Variants in PRMT1 observed in about 807,000 individuals in gnomAD.
The protein encoded by PRMT1 is protein arginine methyltransferase 1.
Under a neutral mutation model 47.4 loss-of-function variants are expected in PRMT1, and 5 were observed. The observed-to-expected ratio is 0.11, with a 90% CI of 0.06 to 0.22. PRMT1 has a LOEUF of 0.22. Ranked by LOEUF, PRMT1 falls within the 10% of genes least tolerant of loss-of-function variation. PRMT1 has a pLI of 1.00. For synonymous variants in PRMT1, 227 were observed against 204.6 expected, an observed-to-expected ratio of 1.11 and a Z score of -0.94; for missense variants, 249 against 518.4, an observed-to-expected ratio of 0.48 and a Z score of 5.05.
rs1599949769 is a variant in PRMT1 at position 49,685,955 on chromosome 19, C to T, written c.760-138C>T. 18 of 1,466,488 alleles carry T rather than the reference C, an allele frequency of 1.2e-5. No homozygotes were observed. The East Asian group carries it at 2.7e-4, about 22-fold the overall frequency. 90.8% of individuals were successfully genotyped at this position (1,466,488 alleles called of 1,614,324 possible). ...GCAGGATGCAGAGTGAAGGAGGAGC[C>T]GAGGCTGGGTGCCAGTGAGGGAGGG... On this transcript the variant is annotated intron_variant, in intron 8 of 10. Coordinates refer to ENST00000454376, the MANE Select transcript of PRMT1 (RefSeq NM_001536.6). The surrounding 1 kb of genome is among the most constrained non-coding windows in gnomAD (Gnocchi z 4.7).
rs577362881 is a variant in PRMT1, at chr19:49,684,648, G to C, written c.556-106G>C. On this transcript the variant is annotated intron_variant, in intron 6 of 10. Transcript: ENST00000454376. The surrounding 1 kb of genome is among the most constrained non-coding windows in gnomAD (Gnocchi z 6.2). ...GGGGGCGAGGGGTGAGTGCCGCTGC[G>C]ACATGAGGGTGGCCCAGACCAGGGC... 2.2e-5 allele frequency: 28 copies of C among 1,290,772 alleles called. No individual in the cohort carries two copies. The African/African-American group carries it at 3.3e-4, about 15-fold the overall frequency. The allele number at this position is 1,290,772 out of a possible 1,614,324, so 80.0% of individuals were successfully genotyped here. A position where few individuals can be genotyped will look rare whatever the true frequency, so the allele number is the denominator to read the frequency against.
Position 49,688,003 on chromosome 19 carries a change from G to T in PRMT1, c.1033-159G>T. The T allele has an allele frequency of 2.8e-6, 2 of 705,482 alleles. No individual in the cohort carries two copies. The highest frequency in any genetic ancestry group is 5.1e-6 in the Non-Finnish European group (2 of 392,580). The allele number at this position is 705,482 out of a possible 1,614,324, so 43.7% of individuals were successfully genotyped here. A position where few individuals can be genotyped will look rare whatever the true frequency, so the allele number is the denominator to read the frequency against. ...CCATGTGGTGCTGTCCCTTGGCAGGGTCAGGGCAGCTGCTAGGGTGGGACC... is the reference window on the plus strand; with the variant it reads ...CCATGTGGTGCTGTCCCTTGGCAGGTTCAGGGCAGCTGCTAGGGTGGGACC... On this transcript the variant is annotated intron_variant, in intron 10 of 10. Coordinates refer to ENST00000454376, the MANE Select transcript of PRMT1 (RefSeq NM_001536.6). The surrounding 1 kb of genome is among the most constrained non-coding windows in gnomAD (Gnocchi z 5.3).
Position 49,680,335 on chromosome 19 carries a change from G to T in PRMT1, c.91-152G>T. 1 of 1,173,362 alleles carries T rather than the reference G, an allele frequency of 8.5e-7. No homozygotes were observed. Among genetic ancestry groups the T allele is most frequent in the East Asian group, 2.4e-5 (1 of 41,156 alleles). 72.7% of individuals were successfully genotyped at this position (1,173,362 alleles called of 1,614,324 possible). On this transcript the variant is annotated intron_variant, in intron 2 of 10. Transcript: ENST00000454376. The surrounding 1 kb of genome is among the most constrained non-coding windows in gnomAD (Gnocchi z 4.2). Reference sequence around the variant, plus strand: ...GGTTGTTAGGTTTTGGGGTTCCTGGGGGGGCAAGATGGCAGGCGGGGGCTG... The same window carrying T: ...GGTTGTTAGGTTTTGGGGTTCCTGGTGGGGCAAGATGGCAGGCGGGGGCTG...
chr19:49,686,189 G>T lies in PRMT1; in HGVS notation c.856G>T (p.Ala286Ser), dbSNP rs747677859. 1.1e-5 allele frequency: 18 copies of T among 1,613,542 alleles called. No homozygotes were observed. In the Admixed American group the frequency reaches 2.8e-4, roughly 25 times the overall value. The change falls in exon 9 of 11, where the codon GCC (alanine) becomes TCC (serine). Residue 286 changes from alanine (A) to serine (S), a missense_variant. Ala to Ser is a moderately conservative substitution (Grantham distance 99). Around this residue, in one of 2 missense-constraint regions of PRMT1, gnomAD observed 190 missense variants for 456.7 expected, o/e 0.42. Coordinates refer to ENST00000454376, the MANE Select transcript of PRMT1 (RefSeq NM_001536.6). ...KRNDYVHALV[A>S]YFNIEFTRCH... Reference sequence around the variant, plus strand: ...GAATGACTACGTGCACGCCCTGGTGGCCTACTTCAACATCGAGTTCACACG... The same window carrying T: ...GAATGACTACGTGCACGCCCTGGTGTCCTACTTCAACATCGAGTTCACACG...
chr19:49,685,033 T>C lies in PRMT1; in HGVS notation c.755T>C (p.Ile252Thr). The change falls in exon 8 of 11, where the codon ATA becomes ACA. Residue 252 changes from isoleucine to threonine, a missense_variant. Ile to Thr is a moderately conservative substitution (Grantham distance 89). Transcript: ENST00000454376. The surrounding 1 kb of genome is among the most constrained non-coding windows in gnomAD (Gnocchi z 4.7). ...CAGCTGGTCACCAACGCCTGCCTCA[T>C]AAAGGTGAGGGGGTGGGCATGGCCA... ...PKQLVTNACL[I>T]KEVDIYTVKV... 6.2e-7 allele frequency: 1 copy of C among 1,613,806 alleles called. No individual in the cohort carries two copies. Among genetic ancestry groups the C allele is most frequent in the Non-Finnish European group, 8.5e-7 (1 of 1,179,884 alleles).
At chr19:49,682,895 C>T (rs1293608710) in intron 5 of PRMT1, among the ~76,000 whole-genome samples, 4 of 150,534 alleles carry the variant, frequency 2.7e-5, no homozygotes, top group African/African-American at 9.8e-5. Context: ...AAGTGATTCT[C>T]CTGCCTCAGC....
Position 49,685,348 on chromosome 19 carries a change from C to G in PRMT1, c.759+311C>G. 7.7e-7 allele frequency: 1 copy of G among 1,295,984 alleles called. No homozygotes were observed. Among genetic ancestry groups the G allele is most frequent in the South Asian group, 1.5e-5 (1 of 65,562 alleles). 80.3% of individuals were successfully genotyped at this position (1,295,984 alleles called of 1,614,324 possible). A position where few individuals can be genotyped will look rare whatever the true frequency, so the allele number is the denominator to read the frequency against. On this transcript the variant is annotated intron_variant, in intron 8 of 10. Coordinates refer to ENST00000454376, the MANE Select transcript of PRMT1 (RefSeq NM_001536.6). This position sits in a 1 kb window ranked among gnomAD's most constrained non-coding sequence, Gnocchi z 4.7. ...AGGGCGATGAGCGGATGCACATGCA[C>G]GCGGGCCACTGCAGAAGAGCACGGG...
upstream of PRMT1, chr19:49,677,259 G>C (rs769091418): frequency 7.0e-7 from 1 of 1,421,396 alleles, no homozygotes; most frequent in Non-Finnish European, 9.2e-7. Flanking sequence ...GGCGGCCGGA[G>C]GAGGAGTAGG....
Position 49,685,909 on chromosome 19 carries a change from G to A in PRMT1, c.760-184G>A, listed in dbSNP as rs2082197750. The A allele has an allele frequency of 1.4e-6, 2 of 1,421,552 alleles. No homozygotes were observed. Among genetic ancestry groups the A allele is most frequent in the Admixed American group, 6.0e-5 (2 of 33,322 alleles). 88.1% of individuals were successfully genotyped at this position (1,421,552 alleles called of 1,614,324 possible). A position where few individuals can be genotyped will look rare whatever the true frequency, so the allele number is the denominator to read the frequency against. The stretch of plus-strand genomic sequence containing the variant: ...AAGGAATCTGGGCTCGAACCCACAT[G>A]GTTTATTGGGAGCCGGATAGGCAGG... On this transcript the variant is annotated intron_variant, in intron 8 of 10. Coordinates refer to ENST00000454376, the MANE Select transcript of PRMT1 (RefSeq NM_001536.6). This position sits in a 1 kb window ranked among gnomAD's most constrained non-coding sequence, Gnocchi z 4.7.
At position 49,682,731 on chromosome 19, in the gene PRMT1, G is replaced by T. The variant is rs138996407; in HGVS notation, c.412+472G>T. On this transcript the variant is annotated intron_variant, in intron 5 of 10. Coordinates refer to ENST00000454376, the MANE Select transcript of PRMT1 (RefSeq NM_001536.6). The stretch of plus-strand genomic sequence containing the variant: ...GTCGTTTAACACTTTCCAGGATGTT[G>T]CGGCATCCGCTCTTTTGCATGACCA... Among the ~76,000 whole-genome samples, 27 of 150,784 alleles carry T rather than the reference G, an allele frequency of 1.8e-4. No individual in the cohort carries two copies. In the East Asian group the frequency reaches 5.0e-3, roughly 28 times the overall value.
At chr19:49,687,410 G>A (rs2082223801) in intron 10 of PRMT1, among the ~76,000 whole-genome samples, 1 of 152,042 alleles carries the variant, frequency 6.6e-6, no homozygotes, top group Non-Finnish European at 1.5e-5. Context: ...GTGCGAGGGT[G>A]GGTGGCACTC....
chr19:49,687,280 G>A (rs1412852285), intron 10 of PRMT1, among the ~76,000 whole-genome samples: 1 of 152,150 alleles, frequency 6.6e-6, no homozygotes, highest in African/African-American at 2.4e-5. Flanking sequence ...GGGGCTTCTC[G>A]GAGACAGGGT....
At chr19:49,677,237 A>AGG (rs552883563), upstream of PRMT1, 6 of 1,404,308 alleles carry the variant, frequency 4.3e-6, no homozygotes, top group South Asian at 5.0e-5. Flanking sequence ...GTGAGGAGAA[A>AGG]GGGGGGGTCT....
At chr19:49,687,832 AGGAAGTGGG>A (rs1363696509) in intron 10 of PRMT1, 10 of 399,854 alleles carry the variant, frequency 2.5e-5, no homozygotes, top group African/African-American at 2.0e-4. Context: ...TTGCCTGAGG[AGGAAGTGGG>A]CTTGGGAGAG....
chr19:49,686,597 G>A lies in PRMT1; in HGVS notation c.911-8G>A, dbSNP rs774981290. ...GGCCGAGGCCGGCTGACCCGCCCGC[G>A]CCCCCAGGCCCCGAGTCCCCGTACA... On this transcript the variant is annotated splice_region_variant and splice_polypyrimidine_tract_variant and intron_variant, in intron 9 of 10. Coordinates refer to ENST00000454376, the MANE Select transcript of PRMT1 (RefSeq NM_001536.6). 3.7e-6 allele frequency: 6 copies of A among 1,609,060 alleles called. No homozygotes were observed. The highest frequency in any genetic ancestry group is 1.1e-5 in the South Asian group (1 of 90,872).
At chr19:49,677,435 C>A in intron 1 of PRMT1, 119 bp downstream of exon 1, 2 of 839,310 alleles carry the variant, frequency 2.4e-6, no homozygotes, top group African/African-American at 1.7e-5. Flanking sequence ...CCGCCGCACA[C>A]GGGGGCGCCG....
chr19:49,682,944 C>T (rs2082142054), intron 5 of PRMT1, among the ~76,000 whole-genome samples: 1 of 151,992 alleles, frequency 6.6e-6, no homozygotes, highest in Non-Finnish European at 1.5e-5. Flanking sequence ...AGCCACCACG[C>T]CCGGCTAATT....
chr19:49,676,963 G>C (rs776855210), upstream of PRMT1: 45 of 326,820 alleles, frequency 1.4e-4, no homozygotes, highest in Non-Finnish European at 2.4e-4. Flanking sequence ...TGGGTGTAAA[G>C]GGGAGGGCAT....
Position 49,681,871 on chromosome 19 carries a change from G to T in PRMT1, c.193-39G>T. 1 of 1,587,750 alleles carries T rather than the reference G, an allele frequency of 6.3e-7. No individual in the cohort carries two copies. The highest frequency in any genetic ancestry group is 8.6e-7 in the Non-Finnish European group (1 of 1,162,582). On this transcript the variant is annotated intron_variant, in intron 3 of 10. Coordinates refer to ENST00000454376, the MANE Select transcript of PRMT1 (RefSeq NM_001536.6). This position sits in a 1 kb window ranked among gnomAD's most constrained non-coding sequence, Gnocchi z 4.4. ...CACGCTGTTCTCCAGCTGGGGATAT[G>T]GGGCCCCTCACGGCGTCTCTGTGCC...
Sources: gnomAD v4.1 joint callset for allele counts (sites outside exome capture counted in the v4.1 genomes callset) on GRCh38, gnomAD v4.1.1 for gene constraint, gnomAD v4.1.1 regional missense constraint, Gnocchi (gnomAD v3.1) non-coding constraint, MANE v1.5 for transcripts, NCBI Gene and HGNC (gene_info 2026-07-23, HGNC 2026-07-21) for gene names.